The following HEXA variants were observed in gnomAD, a reference collection of about 807,000 sequenced individuals.
HEXA encodes beta-hexosaminidase subunit alpha.
A neutral mutation model predicts 73.3 loss-of-function variants in HEXA; 54 were observed. That is an observed-to-expected ratio of 0.74 (90% CI 0.59 to 0.92). The LOEUF (loss-of-function observed/expected upper bound fraction) is 0.92. Among genes scored for constraint, HEXA ranks in the 40% least tolerant of loss-of-function variants. The probability of loss-of-function intolerance (pLI) is 0.00; values close to 1 mark genes in which losing one functional copy is unlikely to be tolerated. For missense variants in HEXA, 649 were observed against 653.0 expected (o/e 0.99, Z 0.07); for synonymous variants, 230 against 246.9 (o/e 0.93, Z 0.64).
Position 72,344,155 on chromosome 15 carries a change from G to A in HEXA, c.1527-15C>T, listed in dbSNP as rs762643178. On this transcript the variant is annotated splice_polypyrimidine_tract_variant and intron_variant, in intron 13 of 13. Transcript: ENST00000268097. ...GGACACCTCGCCTGCAAGAGGACAT[G>A]AAGAAATGGCAAGATAAGCCCCTCA... is the stretch of plus-strand genomic sequence containing the variant. 1.2e-6 allele frequency: 2 copies of A among 1,611,540 alleles called. No homozygotes were observed. Among genetic ancestry groups the A allele is most frequent in the Non-Finnish European group, 1.7e-6 (2 of 1,177,914 alleles).
intron 1 of HEXA, among the ~76,000 whole-genome samples, chr15:72,364,466 T>C (rs2088891024): frequency 6.6e-6 from 1 of 152,224 alleles, no homozygotes; most frequent in South Asian, 2.1e-4. Context: ...ACTTCTCTTC[T>C]GTTTGTAGAC....
At chr15:72,350,489 G>C (rs2088679941) in intron 7 of HEXA, 29 bp downstream of exon 7, 2 of 1,612,594 alleles carry the variant, frequency 1.2e-6, no homozygotes. Flanking sequence ...AACAAGCAGA[G>C]TCCCTCTGGT....
chr15:72,345,162 C>CAACT (rs1375870629), intron 13 of HEXA: 5 of 453,202 alleles, frequency 1.1e-5, no homozygotes, highest in Non-Finnish European at 1.6e-5. Context: ...AACCAATGTA[C>CAACT]AACTTCCCAT....
intron 1 of HEXA, chr15:72,358,253 A>G (rs1254365120): frequency 6.6e-6 from 1 of 152,216 alleles, no homozygotes; most frequent in African/African-American, 2.4e-5. Flanking sequence ...ATTCATCTGC[A>G]TATCTACCCA....
Position 72,345,508 on chromosome 15 carries a change from C to T in HEXA, c.1464G>A (p.Lys488=), listed in dbSNP as rs1168832090. The T allele has an allele frequency of 6.2e-7, 1 of 1,614,270 alleles. No homozygotes were observed. Among genetic ancestry groups the T allele is most frequent in the East Asian group, 2.2e-5 (1 of 44,896 alleles). ...AGGCAAATGTCAGGTCAGATGTCAA[C>T]TTGTTGCTCCACAGCCTTTCGGCAA... The part of the protein sequence containing the change: ...GAVAERLWSN[K]LTSDLTFAYE... The change falls in exon 13 of 14, where the codon AAG becomes AAA. Residue 488 remains lysine (K), a synonymous_variant. Coordinates refer to ENST00000268097, the MANE Select transcript of HEXA (RefSeq NM_000520.6).
chr15:72,366,744 T>A lies in HEXA; in HGVS notation c.253+8976A>T, dbSNP rs1345105466. Among the ~76,000 whole-genome samples, 6 of 151,664 alleles carry A rather than the reference T, an allele frequency of 4.0e-5. No individual in the cohort carries two copies. In the East Asian group the frequency reaches 1.2e-3, roughly 29 times the overall value. The stretch of plus-strand genomic sequence containing the variant: ...CTGGCTTAGCAGTCATCCAACAACA[T>A]CCTCCTCCTCCTCCTCAACCACCCT... On this transcript the variant is annotated intron_variant, in intron 1 of 13. Coordinates refer to ENST00000268097, the MANE Select transcript of HEXA (RefSeq NM_000520.6).
chr15:72,359,138 G>C (rs1017410055), intron 1 of HEXA: 3 of 152,226 alleles, frequency 2.0e-5, no homozygotes, highest in African/African-American at 7.2e-5. Flanking sequence ...GTTGCTTCTG[G>C]TTCTGGTTTT....
chr15:72,347,183 A>G (rs1388109382), intron 10 of HEXA, among the ~76,000 whole-genome samples: 1 of 33,320 alleles, frequency 3.0e-5, no homozygotes, highest in African/African-American at 4.1e-5. Flanking sequence ...CAGCCTATCC[A>G]AGTAACCTAA....
At chr15:72,350,249 C>T (rs2088677247) in intron 7 of HEXA, 4 of 468,180 alleles carry the variant, frequency 8.5e-6, no homozygotes, top group Non-Finnish European at 1.2e-5. Flanking sequence ...TCAGATTCCT[C>T]AGCATCCACT....
In HEXA at chr15:72,343,924, C is replaced by T. The variant is rs868362186; in HGVS notation, c.*153G>A. ...ATGCCACATTACTCTTTATTGAATG[C>T]GAGCGCCAGCACCGGCCCCTTTCTC... On this transcript the variant is annotated 3_prime_UTR_variant, in exon 14 of 14. Transcript: ENST00000268097. The T allele has an allele frequency of 3.6e-5, 24 of 658,984 alleles. No homozygotes were observed. Among genetic ancestry groups the T allele is most frequent in the East Asian group, 8.4e-5 (3 of 35,798 alleles). The allele number at this position is 658,984 out of a possible 1,614,324, so 40.8% of individuals were successfully genotyped here.
At chr15:72,361,664 T>C (rs1274769601) in intron 1 of HEXA, among the ~76,000 whole-genome samples, 1 of 152,200 alleles carries the variant, frequency 6.6e-6, no homozygotes, top group Non-Finnish European at 1.5e-5. Context: ...TTCTACACCT[T>C]CCATCTAACT....
intron 1 of HEXA, among the ~76,000 whole-genome samples, chr15:72,365,455 C>A (rs898713516): frequency 2.0e-5 from 3 of 152,082 alleles, no homozygotes; most frequent in African/African-American, 4.8e-5. Flanking sequence ...AAATATCTGC[C>A]TCATTTTATC....
At chr15:72,374,218 C>T (rs2089029151) in intron 1 of HEXA, among the ~76,000 whole-genome samples, 1 of 56,086 alleles carries the variant, frequency 1.8e-5, no homozygotes, top group African/African-American at 2.7e-5. Context: ...ACCAGTTAGA[C>T]GGATTTTTTT....
At position 72,344,150 on chromosome 15, in the gene HEXA, G is replaced by C. The variant is rs775281927; in HGVS notation, c.1527-10C>G. 3.1e-6 allele frequency: 5 copies of C among 1,612,800 alleles called. No homozygotes were observed. Among genetic ancestry groups the C allele is most frequent in the Non-Finnish European group, 4.2e-6 (5 of 1,179,034 alleles). On this transcript the variant is annotated splice_polypyrimidine_tract_variant and intron_variant, in intron 13 of 13. Coordinates refer to ENST00000268097, the MANE Select transcript of HEXA (RefSeq NM_000520.6). The stretch of plus-strand genomic sequence containing the variant: ...GGCCTGGACACCTCGCCTGCAAGAG[G>C]ACATGAAGAAATGGCAAGATAAGCC...
Position 72,345,518 on chromosome 15 carries a change from C to T in HEXA, c.1454G>A (p.Trp485Ter), listed in dbSNP as rs1057519468. ...PRAGAVAERL[W>*]SNKLTSDLTF... The stretch of plus-strand genomic sequence containing the variant: ...CAGGTCAGATGTCAACTTGTTGCTC[C>T]ACAGCCTTTCGGCAACAGCCCCTGC... The change falls in exon 13 of 14, where the codon TGG becomes TAG. Residue 485 changes from tryptophan (W) to a stop codon, truncating the protein, a stop_gained. Transcript: ENST00000268097. LOFTEE classifies it high-confidence loss of function. 1 of 1,614,258 alleles carries T rather than the reference C, an allele frequency of 6.2e-7. No individual in the cohort carries two copies. The highest frequency in any genetic ancestry group is 1.1e-5 in the South Asian group (1 of 91,090).
At chr15:72,353,855 T>C in intron 3 of HEXA, 118 bp from the exon 4 acceptor site, 1 of 786,622 alleles carries the variant, frequency 1.3e-6, no homozygotes, top group African/African-American at 1.7e-5. Flanking sequence ...AAAATGGATG[T>C]AGTGTAGGCT....
At chr15:72,364,556 T>C (rs2088892071) in intron 1 of HEXA, among the ~76,000 whole-genome samples, 1 of 152,138 alleles carries the variant, frequency 6.6e-6, no homozygotes, top group Non-Finnish European at 1.5e-5. Flanking sequence ...ATATAAGCAA[T>C]TGTGAAAGAT....
intron 7 of HEXA, chr15:72,350,230 C>T (rs930907982): frequency 6.9e-6 from 3 of 437,872 alleles, no homozygotes; most frequent in Non-Finnish European, 1.3e-5. Flanking sequence ...TCAGATTCTA[C>T]CCTGGTGGTC....
At chr15:72,364,229 G>A (rs2088888488) in intron 1 of HEXA, among the ~76,000 whole-genome samples, 1 of 151,848 alleles carries the variant, frequency 6.6e-6, no homozygotes, top group Admixed American at 6.6e-5. Flanking sequence ...AAGCGACCAC[G>A]CCACTGCACT....
Sources: allele counts gnomAD v4.1 joint callset (sites outside exome capture counted in the v4.1 genomes callset), GRCh38; gene constraint gnomAD v4.1.1; transcripts MANE v1.5; gene names NCBI Gene and HGNC (gene_info 2026-07-23, HGNC 2026-07-21).